Variants in PPP4R2 observed in about 807,000 individuals in gnomAD.
PPP4R2 encodes protein phosphatase 4 regulatory subunit 2.
Under a neutral mutation model 47.2 loss-of-function variants are expected in PPP4R2, and 13 were observed. That is an observed-to-expected ratio of 0.28 (90% CI 0.18 to 0.44). The LOEUF (loss-of-function observed/expected upper bound fraction) is 0.44, where lower values mean the gene tolerates loss of function less well. Ranked by LOEUF, PPP4R2 falls within the 20% of genes least tolerant of loss-of-function variation. PPP4R2 has a pLI of 1.00. For synonymous variants in PPP4R2, 151 were observed against 163.3 expected (o/e 0.92, Z 0.57); for missense variants, 421 against 491.2 (o/e 0.86, Z 1.35).
chr3:73,044,200 CAT>C (rs1056415894), intron 2 of PPP4R2, among the ~76,000 whole-genome samples: 3 of 149,524 alleles, frequency 2.0e-5, no homozygotes, highest in African/African-American at 7.5e-5. Flanking sequence ...ATTCCTGAAT[CAT>C]AGGGTGGTTT....
intron 2 of PPP4R2, among the ~76,000 whole-genome samples, chr3:73,032,890 T>A (rs1273393238): frequency 6.6e-6 from 1 of 152,204 alleles, no homozygotes; most frequent in African/African-American, 2.4e-5. Context: ...AAATTTTAGT[T>A]GTTTATATAT....
chr3:73,026,243 A>G (rs138422189), intron 2 of PPP4R2, among the ~76,000 whole-genome samples: 16 of 152,186 alleles, frequency 1.1e-4, no homozygotes, highest in South Asian at 8.3e-4. Context: ...AAATTACTCA[A>G]TTCTCTAGTA....
intron 2 of PPP4R2, among the ~76,000 whole-genome samples, chr3:73,040,025 C>G (rs1286327396): frequency 6.6e-6 from 1 of 152,140 alleles, no homozygotes; most frequent in East Asian, 1.9e-4. Flanking sequence ...GCACTCCAGC[C>G]TGGGCGACAA....
chr3:73,015,917 C>T lies in PPP4R2; in HGVS notation c.116+17759C>T, dbSNP rs964910859. 28 of 304,934 alleles carry T rather than the reference C, an allele frequency of 9.2e-5. 1 individual carries two copies. The highest frequency in any genetic ancestry group is 4.2e-4 in the South Asian group (18 of 42,382). The allele number at this position is 304,934 out of a possible 1,614,324, so 18.9% of individuals were successfully genotyped here. A position where few individuals can be genotyped will look rare whatever the true frequency, so the allele number is the denominator to read the frequency against. The stretch of plus-strand genomic sequence containing the variant: ...CCTCCCAAAGTGCTGGGATTACAGA[C>T]GTGAACTACTGCACCCGCCCTGTTT... On this transcript the variant is annotated intron_variant, in intron 2 of 8. Coordinates refer to ENST00000356692, the MANE Select transcript of PPP4R2 (RefSeq NM_174907.4).
At chr3:73,029,872 A>G (rs1702136688) in intron 2 of PPP4R2, among the ~76,000 whole-genome samples, 1 of 152,204 alleles carries the variant, frequency 6.6e-6, no homozygotes, top group Non-Finnish European at 1.5e-5. Flanking sequence ...ATCAACTGTA[A>G]AATATTGTTA....
At chr3:73,051,829 G>A (rs1702619391) in intron 3 of PPP4R2, among the ~76,000 whole-genome samples, 1 of 152,092 alleles carries the variant, frequency 6.6e-6, no homozygotes, top group Admixed American at 6.5e-5. Context: ...GTTTCACCCT[G>A]TTAGCCAGGA....
At chr3:73,007,833 CGTA>C (rs759765961) in intron 2 of PPP4R2, among the ~76,000 whole-genome samples, 4 of 152,126 alleles carry the variant, frequency 2.6e-5, no homozygotes, top group Non-Finnish European at 5.9e-5. Flanking sequence ...TTTTGTCTAA[CGTA>C]GTATTTCTTG....
chr3:73,046,380 G>A (rs529997067), intron 2 of PPP4R2, among the ~76,000 whole-genome samples: 62 of 152,294 alleles, frequency 4.1e-4, no homozygotes, highest in African/African-American at 1.5e-3. Flanking sequence ...TAAAGAGATT[G>A]ATCTGCTGTC....
intron 3 of PPP4R2, 89 bp downstream of exon 3, chr3:73,047,445 T>TC: frequency 6.6e-6 from 5 of 759,678 alleles, no homozygotes; most frequent in Non-Finnish European, 8.1e-6. Context: ...GGTTGATGAT[T>TC]GATTATCCAT....
chr3:73,043,254 A>G (rs1702418707), intron 2 of PPP4R2, among the ~76,000 whole-genome samples: 1 of 152,126 alleles, frequency 6.6e-6, no homozygotes, highest in Non-Finnish European at 1.5e-5. Context: ...ACCAAAAGCA[A>G]TTGTACATTA....
chr3:72,997,973 T>C (rs1214032629), intron 1 of PPP4R2, 104 bp from the exon 2 acceptor site: 1 of 803,230 alleles, frequency 1.2e-6, no homozygotes, highest in East Asian at 2.5e-5. Context: ...TTTTTTAATT[T>C]TGTATTTAAT....
chr3:73,037,998 G>A (rs1164008402), intron 2 of PPP4R2, among the ~76,000 whole-genome samples: 1 of 152,154 alleles, frequency 6.6e-6, no homozygotes, highest in African/African-American at 2.4e-5. Context: ...TGACCTTCAT[G>A]TTAGGGCTGA....
At chr3:73,023,171 T>G (rs6782917) in intron 2 of PPP4R2, among the ~76,000 whole-genome samples, 59,084 of 149,594 alleles carry the variant, frequency 0.39, 12,055 homozygotes, top group African/African-American at 0.47. Context: ...GTGAGGTTTC[T>G]TTTCTTTTCC....
At chr3:73,009,090 T>G (rs34971399) in intron 2 of PPP4R2, among the ~76,000 whole-genome samples, 47,137 of 151,918 alleles carry the variant, frequency 0.31, 7,640 homozygotes, top group Non-Finnish European at 0.36. Context: ...GTGATTTTCA[T>G]CACTTAAGTT....
intron 2 of PPP4R2, among the ~76,000 whole-genome samples, chr3:72,998,758 T>TAAA (rs1340389438): frequency 2.0e-5 from 3 of 152,214 alleles, no homozygotes; most frequent in Non-Finnish European, 4.4e-5. Context: ...ATCTGAAACT[T>TAAA]ACGCTATAAA....
chr3:73,014,460 A>T (rs1199775645), intron 2 of PPP4R2, among the ~76,000 whole-genome samples: 3 of 151,826 alleles, frequency 2.0e-5, no homozygotes, highest in Admixed American at 6.6e-5. Context: ...TAATTTATTA[A>T]TTTTTTTGTA....
chr3:73,042,967 CT>C (rs1702410041), intron 2 of PPP4R2, among the ~76,000 whole-genome samples: 1 of 152,092 alleles, frequency 6.6e-6, no homozygotes, highest in Non-Finnish European at 1.5e-5. Context: ...GATCCCATAC[CT>C]CTTGTCTGGC....
In PPP4R2 at chr3:73,067,424, A is replaced by G. The variant is rs1703021576; in HGVS notation, c.*1702A>G. ...TCCATTTATGTTTGTAGGATAATAT[A>G]CTACTGACTGACTTGACTGTCAGGT... On this transcript the variant is annotated 3_prime_UTR_variant, in exon 9 of 9. Coordinates refer to ENST00000356692, the MANE Select transcript of PPP4R2 (RefSeq NM_174907.4). The G allele has an allele frequency of 6.6e-6, 1 of 152,144 alleles. No homozygotes were observed. The allele number at this position is 152,144 out of a possible 1,614,324, so 9.4% of individuals were successfully genotyped here.
At position 73,041,429 on chromosome 3, in the gene PPP4R2, A is replaced by G. The variant is rs183339865; in HGVS notation, c.117-5757A>G. Among the ~76,000 whole-genome samples the G allele has an allele frequency of 4.2e-3, 645 of 152,362 alleles. 9 individuals carry two copies. Among genetic ancestry groups the G allele is most frequent in the African/African-American group, 0.014 (579 of 41,582 alleles). ...ATTTAATTCAGTATTCAGATTAAAT[A>G]TACTTGTTTTGTTTGCCTCAGTCAT... is the stretch of plus-strand genomic sequence containing the variant. On this transcript the variant is annotated intron_variant, in intron 2 of 8. Coordinates refer to ENST00000356692, the MANE Select transcript of PPP4R2 (RefSeq NM_174907.4).
Sources: gnomAD v4.1 joint callset for allele counts (sites outside exome capture counted in the v4.1 genomes callset) on GRCh38, gnomAD v4.1.1 for gene constraint, MANE v1.5 for transcripts, NCBI Gene and HGNC (gene_info 2026-07-23, HGNC 2026-07-21) for gene names.